Variants in SLFN14 observed in about 807,000 individuals in gnomAD.
SLFN14 encodes the protein protein SLFN14.
Under a neutral mutation model 58.6 loss-of-function variants are expected in SLFN14, and 47 were observed. The ratio of observed to expected loss-of-function variants is 0.80; its 90% CI spans 0.64 to 1.02. SLFN14 has a LOEUF of 1.02. Ranked by LOEUF, SLFN14 falls within the 50% of genes least tolerant of loss-of-function variation. The pLI is 0.00. For synonymous variants in SLFN14, 390 were observed against 387.3 expected (o/e 1.01, Z -0.08); for missense variants, 967 against 1,078.4 (o/e 0.90, Z 1.45).
intron 5 of SLFN14, among the ~76,000 whole-genome samples, chr17:35,551,156 T>G (rs1211364357): frequency 6.6e-6 from 1 of 152,238 alleles, no homozygotes; most frequent in Non-Finnish European, 1.5e-5. Context: ...CCATGATTAT[T>G]TGGAAATGTG....
At chr17:35,551,796 C>CA (rs35108940) in intron 5 of SLFN14, among the ~76,000 whole-genome samples, 116,039 of 152,154 alleles carry the variant, frequency 0.76, 44,961 homozygotes, top group African/African-American at 0.91. Context: ...GAATCGTCAC[C>CA]AAAAAGTTAA....
intron 3 of SLFN14, 45 bp downstream of exon 3, chr17:35,556,958 G>A (rs1329223581): frequency 6.8e-7 from 1 of 1,474,306 alleles, no homozygotes; most frequent in Non-Finnish European, 9.0e-7. Context: ...GCAGAGAAAG[G>A]GGTTCCTCCC....
intron 5 of SLFN14, among the ~76,000 whole-genome samples, chr17:35,551,269 A>G (rs1159863805): frequency 6.6e-6 from 1 of 152,180 alleles, no homozygotes; most frequent in Non-Finnish European, 1.5e-5. Flanking sequence ...CTGACTAAAT[A>G]TATTTTTGTG....
At position 35,552,862 on chromosome 17, in the gene SLFN14, A is replaced by G. The variant is rs748829993; in HGVS notation, c.1772T>C (p.Ile591Thr). 1 of 1,551,506 alleles carries G rather than the reference A, an allele frequency of 6.4e-7. No homozygotes were observed. The highest frequency in any genetic ancestry group is 8.7e-7 in the Non-Finnish European group (1 of 1,146,964). Residue 591 changes from isoleucine to threonine, a missense_variant, in exon 5 of 6, where the codon ATC (isoleucine) becomes ACC (threonine). Coordinates refer to ENST00000674182, the MANE Select transcript of SLFN14 (RefSeq NM_001129820.2). The part of the protein sequence containing the change: ...ESLQKTRELF[I>T]YCFPGVRKTA... Reference sequence around the variant, plus strand: ...CTTCCTGACTCCTGGAAAGCAGTAGATGAATAATTCACGTGTCTTCTGAAG... The same window carrying G: ...CTTCCTGACTCCTGGAAAGCAGTAGGTGAATAATTCACGTGTCTTCTGAAG...
chr17:35,548,135 G>A lies in SLFN14; in HGVS notation c.*104C>T, dbSNP rs569554343. On this transcript the variant is annotated 3_prime_UTR_variant, in exon 6 of 6. Transcript: ENST00000674182. ...TTCTGTGGCTCCAGGCCATACTGAT[G>A]TGCCTTGATTTCCTCACTTGTAATA... 5 of 1,109,512 alleles carry A rather than the reference G, an allele frequency of 4.5e-6. No individual in the cohort carries two copies. In the Admixed American group the frequency reaches 7.7e-5, roughly 17 times the overall value. 68.7% of individuals were successfully genotyped at this position (1,109,512 alleles called of 1,614,324 possible). A position where few individuals can be genotyped will look rare whatever the true frequency, so the allele number is the denominator to read the frequency against.
intron 5 of SLFN14, 130 bp downstream of exon 5, chr17:35,552,600 A>C (rs1265235053): frequency 3.3e-6 from 1 of 304,858 alleles, no homozygotes; most frequent in Admixed American, 5.7e-5. Context: ...TGCAAAAAGA[A>C]TATATATATA....
In SLFN14 at chr17:35,545,889, AT is replaced by A. The variant is rs1024104226; in HGVS notation, c.*2349del. 2.6e-5 allele frequency among the ~76,000 whole-genome samples: 4 copies of A among 151,910 alleles called. No individual in the cohort carries two copies. The highest frequency in any genetic ancestry group is 6.6e-5 in the Admixed American group (1 of 15,224). ...AGTCTGGTGTCTGGCCTGATCACTG[AT>A]TTTTTTTAAGTCGCCCAGGAAATTA... On this transcript the variant is annotated 3_prime_UTR_variant, in exon 6 of 6. Transcript: ENST00000674182.
At chr17:35,556,942 C>T (rs962619089) in intron 3 of SLFN14, 61 bp downstream of exon 3, 6 of 1,432,144 alleles carry the variant, frequency 4.2e-6, no homozygotes, top group East Asian at 2.5e-5. Flanking sequence ...CAAATACCCA[C>T]AAAAGGCAGA....
Position 35,557,864 on chromosome 17 carries a change from T to C in SLFN14, c.199A>G (p.Lys67Glu), listed in dbSNP as rs1323189341. 7.1e-6 allele frequency: 11 copies of C among 1,551,620 alleles called. No homozygotes were observed. In the Admixed American group the frequency reaches 1.4e-4, roughly 19 times the overall value. ...GGVIKAEIDD[K>E]TYSYQCHGLG... ...CCATGGCATTGGTAACTATAGGTTTTATCATCAATCTCTGCTTTGATCACA... is the reference window on the plus strand; with the variant it reads ...CCATGGCATTGGTAACTATAGGTTTCATCATCAATCTCTGCTTTGATCACA... The change falls in exon 3 of 6, where the codon AAA (lysine) becomes GAA (glutamate). Residue 67 changes from lysine (K) to glutamate (E), a missense_variant. Coordinates refer to ENST00000674182, the MANE Select transcript of SLFN14 (RefSeq NM_001129820.2).
In SLFN14 at chr17:35,548,862, A is replaced by G; in HGVS notation, c.2116T>C (p.Phe706Leu). 6.4e-7 allele frequency: 1 copy of G among 1,551,730 alleles called. No individual in the cohort carries two copies. The highest frequency in any genetic ancestry group is 8.7e-7 in the Non-Finnish European group (1 of 1,146,990). The change falls in exon 6 of 6, where the codon TTT becomes CTT. Residue 706 changes from phenylalanine to leucine, a missense_variant. Transcript: ENST00000674182. ...TTGACATCTGCGTGATGGATTTGAA[A>G]AGGGTCAAGAAAAAGCCAGAGAATC... ...HGILWLFLDP[F>L]QIHHADVNGL...
intron 2 of SLFN14, among the ~76,000 whole-genome samples, chr17:35,559,097 G>A (rs570505150): frequency 6.6e-6 from 1 of 151,912 alleles, no homozygotes; most frequent in East Asian, 1.9e-4. Flanking sequence ...ATGGTGGTGC[G>A]CACCTGCAGT....
Position 35,557,281 on chromosome 17 carries a change from T to G in SLFN14, c.782A>C (p.Lys261Thr). The G allele has an allele frequency of 1.3e-6, 2 of 1,551,736 alleles. No individual in the cohort carries two copies. Among genetic ancestry groups the G allele is most frequent in the Non-Finnish European group, 8.7e-7 (1 of 1,146,998 alleles). The change falls in exon 3 of 6, where the codon AAA (lysine) becomes ACA (threonine). Residue 261 changes from lysine to threonine, a missense_variant. By Grantham distance (78) the Lys-to-Thr change is moderately conservative. Transcript: ENST00000674182. ...TTTTTTTAGTAAGTCAGGATTCACT[T>G]TTTCCCACTTACATCCAACCACTTC... ...SKEVVGCKWEKVNPDLLKKEI... is the reference protein window; with the variant it reads ...SKEVVGCKWETVNPDLLKKEI...
At position 35,544,897 on chromosome 17, in the gene SLFN14, C is replaced by G. The variant is rs1172063273; in HGVS notation, c.*3342G>C. Among the ~76,000 whole-genome samples the G allele has an allele frequency of 2.0e-5, 3 of 152,150 alleles. No individual in the cohort carries two copies. Among genetic ancestry groups the G allele is most frequent in the Non-Finnish European group, 4.4e-5 (3 of 68,026 alleles). ...TCCATGATAATATTATATTACCCTT[C>G]TTTTTAAAAGTAAGTTTTAGAAGCT... On this transcript the variant is annotated 3_prime_UTR_variant, in exon 6 of 6. Transcript: ENST00000674182.
chr17:35,548,262 A>C lies in SLFN14; in HGVS notation c.2716T>G (p.Tyr906Asp). 1 of 1,551,284 alleles carries C rather than the reference A, an allele frequency of 6.4e-7. No homozygotes were observed. Among genetic ancestry groups the C allele is most frequent in the South Asian group, 1.2e-5 (1 of 84,054 alleles). Residue 906 changes from tyrosine (Y) to aspartate (D), a missense_variant, in exon 6 of 6, where the codon TAT becomes GAT. Physicochemically the swap from Tyr to Asp is radical, Grantham distance 160. Transcript: ENST00000674182. ...SRAIKHLYLLYEKRAAY is the reference protein window; with the variant it reads ...SRAIKHLYLLDEKRAAY Reference sequence around the variant, plus strand: ...TTTCAGTAGGCTGCCCTCTTTTCATAAAGCAGGTAGAGGTGTTTAATGGCT... The same window carrying C: ...TTTCAGTAGGCTGCCCTCTTTTCATCAAGCAGGTAGAGGTGTTTAATGGCT...
Position 35,557,109 on chromosome 17 carries a change from A to G in SLFN14, c.954T>C (p.Cys318=), listed in dbSNP as rs1251573305. 2.6e-6 allele frequency: 4 copies of G among 1,551,694 alleles called. No individual in the cohort carries two copies. The highest frequency in any genetic ancestry group is 3.5e-6 in the Non-Finnish European group (4 of 1,146,978). Residue 318 remains cysteine (C), a synonymous_variant, in exon 3 of 6, where the codon TGT becomes TGC. Coordinates refer to ENST00000674182, the MANE Select transcript of SLFN14 (RefSeq NM_001129820.2). ...CTGGGGCCTCTGCAAACACCACGCA[A>G]CAGAAGGGCTCCACTTGAATCACAC... is the stretch of plus-strand genomic sequence containing the variant. ...YVCVIQVEPF[C]CVVFAEAPDS...
At position 35,557,125 on chromosome 17, in the gene SLFN14, T is replaced by TA; in HGVS notation, c.937_938insT (p.Gln313LeufsTer30). 2 of 1,551,708 alleles carry TA rather than the reference T, an allele frequency of 1.3e-6. No homozygotes were observed. Among genetic ancestry groups the TA allele is most frequent in the Non-Finnish European group, 1.7e-6 (2 of 1,146,988 alleles). ...CACCACGCAACAGAAGGGCTCCACT[T>TA]GAATCACACAGACATAACCATCCAG... On this transcript the variant is annotated frameshift_variant, in exon 3 of 6. Transcript: ENST00000674182. LOFTEE classifies it high-confidence loss of function.
intron 1 of SLFN14, among the ~76,000 whole-genome samples, chr17:35,560,399 C>A (rs1188843457): frequency 2.6e-5 from 4 of 152,198 alleles, no homozygotes; most frequent in African/African-American, 4.8e-5. Flanking sequence ...GATCTCTTGG[C>A]TCATGGCAAC....
chr17:35,550,517 GC>G (rs1298214942), intron 5 of SLFN14, among the ~76,000 whole-genome samples: 2 of 152,190 alleles, frequency 1.3e-5, no homozygotes, highest in Non-Finnish European at 2.9e-5. Context: ...CTGCACTCCA[GC>G]CTGGTTGACA....
Position 35,557,069 on chromosome 17 carries a change from T to C in SLFN14, c.994A>G (p.Lys332Glu). Residue 332 changes from lysine (K) to glutamate (E), a missense_variant, in exon 3 of 6, where the codon AAA becomes GAA. By Grantham distance (56) the Lys-to-Glu change is moderately conservative. Coordinates refer to ENST00000674182, the MANE Select transcript of SLFN14 (RefSeq NM_001129820.2). The stretch of plus-strand genomic sequence containing the variant: ...GTCAGCCGTGTGACAGAATTGTCTT[T>C]CATGATCCAGGAATCTGGGGCCTCT... Reference protein sequence around the residue: ...FAEAPDSWIMKDNSVTRLTAE... With the variant: ...FAEAPDSWIMEDNSVTRLTAE... The C allele has an allele frequency of 1.3e-6, 2 of 1,551,704 alleles. No homozygotes were observed. Among genetic ancestry groups the C allele is most frequent in the Non-Finnish European group, 1.7e-6 (2 of 1,146,994 alleles).
Sources: gnomAD v4.1 joint callset for allele counts (sites outside exome capture counted in the v4.1 genomes callset) on GRCh38, gnomAD v4.1.1 for gene constraint, MANE v1.5 for transcripts, NCBI Gene and HGNC (gene_info 2026-07-23, HGNC 2026-07-21) for gene names.